Variants in CD44 observed in about 807,000 individuals in gnomAD.
The protein encoded by CD44 is CD44 molecule (IN blood group).
Under a neutral mutation model 88.8 loss-of-function variants are expected in CD44, and 49 were observed. The ratio of observed to expected loss-of-function variants is 0.55; its 90% CI spans 0.44 to 0.70. The LOEUF (loss-of-function observed/expected upper bound fraction) is 0.70. Among genes scored for constraint, CD44 ranks in the 30% least tolerant of loss-of-function variants. CD44 has a pLI of 0.00. For missense variants in CD44, 883 were observed against 913.8 expected (o/e 0.97, Z 0.43); for synonymous variants, 325 against 312.3 (o/e 1.04, Z -0.43).
intron 1 of CD44, among the ~76,000 whole-genome samples, chr11:35,167,082 C>T (rs1016985897): frequency 1.3e-5 from 2 of 152,224 alleles, no homozygotes; most frequent in Admixed American, 6.5e-5. Context: ...AACTTCTGGG[C>T]TTTGAAGCCT....
intron 3 of CD44, among the ~76,000 whole-genome samples, chr11:35,182,346 T>C (rs899893323): frequency 6.6e-6 from 1 of 152,080 alleles, no homozygotes; most frequent in Admixed American, 6.6e-5. Context: ...GTATCAGGGC[T>C]GGCTAGTTGA....
chr11:35,207,665 G>C (rs1948000972), intron 11 of CD44, among the ~76,000 whole-genome samples: 1 of 152,174 alleles, frequency 6.6e-6, no homozygotes, highest in South Asian at 2.1e-4. Flanking sequence ...AAGAAAAAAA[G>C]ACTAAAGGGG....
chr11:35,146,175 G>A (rs1289678548), intron 1 of CD44, among the ~76,000 whole-genome samples: 1 of 152,164 alleles, frequency 6.6e-6, no homozygotes. Context: ...GTGCAAGTGT[G>A]GGCAGACAGA....
intron 2 of CD44, among the ~76,000 whole-genome samples, chr11:35,177,589 A>G (rs1944596157): frequency 6.6e-6 from 1 of 152,182 alleles, no homozygotes; most frequent in Non-Finnish European, 1.5e-5. Flanking sequence ...TCTGCAACAC[A>G]CACTCACATG....
rs369728913 is a variant in CD44, at chr11:35,205,760, C to T, written c.1283-352C>T. 1.3e-5 allele frequency: 13 copies of T among 991,512 alleles called. No homozygotes were observed. In the South Asian group the frequency reaches 1.4e-4, roughly 11 times the overall value. The allele number at this position is 991,512 out of a possible 1,614,324, so 61.4% of individuals were successfully genotyped here. On this transcript the variant is annotated intron_variant, in intron 10 of 17. Coordinates refer to ENST00000428726, the MANE Select transcript of CD44 (RefSeq NM_000610.4). Reference sequence around the variant, plus strand: ...TTGTCTCAGAATAACATCATGCACTCGGGCTTTTATACTTCTGCCTTTAGG... The same window carrying T: ...TTGTCTCAGAATAACATCATGCACTTGGGCTTTTATACTTCTGCCTTTAGG...
intron 3 of CD44, among the ~76,000 whole-genome samples, chr11:35,181,680 A>ATT (rs201893391): frequency 0.14 from 18,804 of 134,394 alleles, 1,466 homozygotes; most frequent in Admixed American, 0.19. Context: ...ATATATATAT[A>ATT]TTTATATATA....
At chr11:35,154,935 A>G (rs893639723) in intron 1 of CD44, among the ~76,000 whole-genome samples, 3 of 152,140 alleles carry the variant, frequency 2.0e-5, no homozygotes, top group African/African-American at 7.2e-5. Flanking sequence ...CCAACTTTCA[A>G]TTCTGCCACT....
chr11:35,181,366 T>C (rs964607910), intron 3 of CD44, among the ~76,000 whole-genome samples: 4 of 152,176 alleles, frequency 2.6e-5, no homozygotes, highest in African/African-American at 9.7e-5. Flanking sequence ...TGAGCCTTAT[T>C]CAAGTCCTAG....
intron 1 of CD44, among the ~76,000 whole-genome samples, chr11:35,143,506 G>A (rs1028303018): frequency 1.3e-5 from 2 of 152,082 alleles, no homozygotes; most frequent in Non-Finnish European, 2.9e-5. Flanking sequence ...ACTTGCCCCA[G>A]GATCCAGTGG....
At chr11:35,218,708 C>T (rs1949043043) in intron 15 of CD44, among the ~76,000 whole-genome samples, 2 of 152,132 alleles carry the variant, frequency 1.3e-5, no homozygotes, top group African/African-American at 2.4e-5. Context: ...TGTGAGTCCC[C>T]TGGGGGTCTT....
intron 9 of CD44, among the ~76,000 whole-genome samples, chr11:35,203,758 G>A (rs903834169): frequency 5.9e-5 from 9 of 151,792 alleles, no homozygotes; most frequent in Non-Finnish European, 1.2e-4. Context: ...AAATGTTGGT[G>A]TCTTTCTGAC....
In CD44 at chr11:35,204,734, A is replaced by T. The variant is rs1201749282; in HGVS notation, c.1282+94A>T. The T allele has an allele frequency of 9.8e-6, 11 of 1,122,808 alleles. No homozygotes were observed. The Admixed American group carries it at 1.6e-4, about 17-fold the overall frequency. The allele number at this position is 1,122,808 out of a possible 1,614,324, so 69.6% of individuals were successfully genotyped here. A position where few individuals can be genotyped will look rare whatever the true frequency, so the allele number is the denominator to read the frequency against. ...ACATTGAACAAAAGGACACTGGAGGAATTGTCACGAGATGTTAGGTTACTT... is the reference window on the plus strand; with the variant it reads ...ACATTGAACAAAAGGACACTGGAGGTATTGTCACGAGATGTTAGGTTACTT... On this transcript the variant is annotated intron_variant, in intron 10 of 17. Coordinates refer to ENST00000428726, the MANE Select transcript of CD44 (RefSeq NM_000610.4).
At chr11:35,144,619 G>A (rs924396685) in intron 1 of CD44, among the ~76,000 whole-genome samples, 2 of 152,172 alleles carry the variant, frequency 1.3e-5, no homozygotes, top group African/African-American at 2.4e-5. Context: ...AGAGTAAACC[G>A]GAAGGGGTGC....
At chr11:35,185,009 A>C (rs750926283) in intron 3 of CD44, among the ~76,000 whole-genome samples, 5 of 152,178 alleles carry the variant, frequency 3.3e-5, no homozygotes, top group Non-Finnish European at 7.3e-5. Flanking sequence ...AAGACAGATA[A>C]AGTTATTACT....
In CD44 at chr11:35,201,129, T is replaced by G. The variant is rs773111146; in HGVS notation, c.970T>G (p.Trp324Gly). The G allele has an allele frequency of 1.9e-6, 3 of 1,614,130 alleles. No individual in the cohort carries two copies. The highest frequency in any genetic ancestry group is 2.5e-6 in the Non-Finnish European group (3 of 1,179,970). ...TGACCACACAAAACAGAACCAGGACTGGACCCAGTGGAACCCAAGCCATTC... is the reference window on the plus strand; with the variant it reads ...TGACCACACAAAACAGAACCAGGACGGGACCCAGTGGAACCCAAGCCATTC... Reference protein sequence around the residue: ...AFDHTKQNQDWTQWNPSHSNP... With the variant: ...AFDHTKQNQDGTQWNPSHSNP... Residue 324 changes from tryptophan (W) to glycine (G), a missense_variant, in exon 8 of 18, where the codon TGG becomes GGG. Coordinates refer to ENST00000428726, the MANE Select transcript of CD44 (RefSeq NM_000610.4).
chr11:35,162,903 C>T (rs1231307304), intron 1 of CD44, among the ~76,000 whole-genome samples: 1 of 152,030 alleles, frequency 6.6e-6, no homozygotes, highest in African/African-American at 2.4e-5. Context: ...TGCACACACA[C>T]ACAGACATGT....
At chr11:35,141,991 T>C (rs1389995524) in intron 1 of CD44, among the ~76,000 whole-genome samples, 2 of 152,112 alleles carry the variant, frequency 1.3e-5, no homozygotes, top group Non-Finnish European at 2.9e-5. Context: ...AGTCTTTGTA[T>C]GGGAAAGCAA....
intron 1 of CD44, among the ~76,000 whole-genome samples, chr11:35,163,309 A>T (rs191722906): frequency 1.4e-3 from 216 of 151,524 alleles, no homozygotes; most frequent in African/African-American, 5.0e-3. Flanking sequence ...AAACATGCAC[A>T]CTCACTTGCT....
chr11:35,190,207 C>T (rs1288547196), intron 5 of CD44, 142 bp downstream of exon 5: 22 of 701,044 alleles, frequency 3.1e-5, no homozygotes, highest in Admixed American at 4.7e-5. Context: ...GGGAGGTGGG[C>T]TCTTGTGGTT....
Sources: allele counts gnomAD v4.1 joint callset (sites outside exome capture counted in the v4.1 genomes callset), GRCh38; gene constraint gnomAD v4.1.1; transcripts MANE v1.5; gene names NCBI Gene and HGNC (gene_info 2026-07-23, HGNC 2026-07-21).